TENM2: variants seen among roughly 807,000 people sequenced by gnomAD.
The protein encoded by TENM2 is teneurin-2.
Under a neutral mutation model 245.2 loss-of-function variants are expected in TENM2, and 52 were observed. The ratio of observed to expected loss-of-function variants is 0.21; its 90% CI spans 0.17 to 0.27. TENM2 has a LOEUF of 0.27. Ranked by LOEUF, TENM2 falls within the 10% of genes least tolerant of loss-of-function variation. The pLI is 1.00. For synonymous variants in TENM2, 1,363 were observed against 1,438.9 expected, an observed-to-expected ratio of 0.95 and a Z score of 1.19; for missense variants, 3,046 against 3,666.8, an observed-to-expected ratio of 0.83 and a Z score of 4.37.
intron 12 of TENM2, among the ~76,000 whole-genome samples, chr5:168,154,466 C>T (rs962056679): frequency 6.6e-6 from 1 of 152,168 alleles, no homozygotes; most frequent in Non-Finnish European, 1.5e-5. Flanking sequence ...CCCAGGTGAT[C>T]CACCCGCCTC....
rs1554142458 is a variant in TENM2, at chr5:167,384,703, C to CGT, written c.502+9231_502+9232insTG. On this transcript the variant is annotated intron_variant, in intron 2 of 28. Coordinates refer to ENST00000518659, the Ensembl canonical transcript of TENM2. ...CAGATACAGCGCGTGCACACGCGTG[C>CGT]GCGCACACACGCACACACACACACA... is the stretch of plus-strand genomic sequence containing the variant. Among the ~76,000 whole-genome samples, 7 of 58,782 alleles carry CGT rather than the reference C, an allele frequency of 1.2e-4. No homozygotes were observed. The South Asian group carries it at 2.3e-3, about 20-fold the overall frequency. 38.6% of individuals were successfully genotyped at this position (58,782 alleles called of 152,430 possible).
chr5:167,222,159 G>A, the TENM2 span, among the ~76,000 whole-genome samples: 1 of 152,140 alleles, frequency 6.6e-6, no homozygotes, highest in Admixed American at 6.5e-5. Flanking sequence ...CTCAAAGCAC[G>A]TGCCTTAATT....
intron 2 of TENM2, among the ~76,000 whole-genome samples, chr5:167,749,118 G>T (rs975661899): frequency 4.6e-5 from 7 of 151,396 alleles, no homozygotes; most frequent in African/African-American, 1.5e-4. Context: ...CATATTTCTT[G>T]GAATAATTAT....
chr5:167,032,720 C>T, the TENM2 span, among the ~76,000 whole-genome samples: 2 of 152,162 alleles, frequency 1.3e-5, no homozygotes, highest in Admixed American at 1.3e-4. Flanking sequence ...CACCCCAAGG[C>T]AGCAAGTTCC....
intron 2 of TENM2, among the ~76,000 whole-genome samples, chr5:167,609,278 A>C (rs912173809): frequency 3.9e-5 from 6 of 152,082 alleles, no homozygotes; most frequent in South Asian, 2.1e-4. Flanking sequence ...GTAGAGTCGC[A>C]TTTCTTGCCT....
At chr5:167,929,314 G>T (rs1346483103) in intron 3 of TENM2, among the ~76,000 whole-genome samples, 2 of 152,108 alleles carry the variant, frequency 1.3e-5, no homozygotes, top group Non-Finnish European at 1.5e-5. Context: ...TGTTTAAAGA[G>T]CATTTGAGAA....
intron 2 of TENM2, among the ~76,000 whole-genome samples, chr5:167,623,788 T>C (rs2127775615): frequency 6.6e-6 from 1 of 152,320 alleles, no homozygotes; most frequent in South Asian, 2.1e-4. Context: ...TAAATTTTTT[T>C]CCCATTATAG....
chr5:167,234,788 G>C, the TENM2 span, among the ~76,000 whole-genome samples: 1 of 152,254 alleles, frequency 6.6e-6, no homozygotes, highest in East Asian at 1.9e-4. Context: ...ATATATGATG[G>C]AACAGAGAAT....
intron 2 of TENM2, among the ~76,000 whole-genome samples, chr5:167,549,952 GA>G (rs1458463623): frequency 6.6e-6 from 1 of 152,182 alleles, no homozygotes; most frequent in African/African-American, 2.4e-5. Context: ...GGAAGGTTGT[GA>G]AAGGCATAAC....
chr5:167,962,235 A>G (rs1340035003), intron 4 of TENM2, among the ~76,000 whole-genome samples: 1 of 152,128 alleles, frequency 6.6e-6, no homozygotes, highest in Admixed American at 6.5e-5. Flanking sequence ...GAAGAAGCAC[A>G]TTAAAGAAAA....
chr5:168,248,165 T>C lies in TENM2; in HGVS notation c.7226T>C (p.Ile2409Thr), dbSNP rs768299062. The change falls in exon 27 of 29, where the codon ATT becomes ACT. Residue 2409 changes from isoleucine to threonine, a missense_variant. By Grantham distance (89) the Ile-to-Thr change is moderately conservative (BLOSUM62 -1). Transcript: ENST00000518659. ...TCCAACCCCGACTTCCAGATGGTCA[T>C]TGGCTTCCATGGGGGACTCTATGAC... 11 of 1,613,876 alleles carry C rather than the reference T, an allele frequency of 6.8e-6. No individual in the cohort carries two copies. The highest frequency in any genetic ancestry group is 1.6e-4 in the Middle Eastern group (1 of 6,084).
the TENM2 span, among the ~76,000 whole-genome samples, chr5:167,234,229 C>G: frequency 5.9e-5 from 9 of 152,172 alleles, no homozygotes; most frequent in Non-Finnish European, 1.0e-4. Context: ...CTAAGGGAAA[C>G]AAATCAATTT....
At chr5:167,547,590 C>A (rs12656490) in intron 2 of TENM2, among the ~76,000 whole-genome samples, 12,841 of 152,126 alleles carry the variant, frequency 0.084, 694 homozygotes, top group East Asian at 0.2. Context: ...ATGTGGAATC[C>A]TATAATAGAC....
chr5:168,215,267 C>A, exon 21 of TENM2: 1 of 1,613,314 alleles, frequency 6.2e-7, no homozygotes. Context: ...CTGATGAGCC[C>A]GAGAGGTAAA....
At chr5:167,157,403 T>G in the TENM2 span, among the ~76,000 whole-genome samples, 1 of 152,226 alleles carries the variant, frequency 6.6e-6, no homozygotes, top group South Asian at 2.1e-4. Context: ...GTAGCTTACA[T>G]AAATTTGACA....
At chr5:168,073,691 G>T (rs1001527101) in intron 7 of TENM2, among the ~76,000 whole-genome samples, 6 of 152,140 alleles carry the variant, frequency 3.9e-5, no homozygotes, top group African/African-American at 9.7e-5. Flanking sequence ...CTTCTAACTG[G>T]GAATGCACAC....
chr5:167,482,493 GA>G (rs1767816804), intron 2 of TENM2, among the ~76,000 whole-genome samples: 1 of 151,998 alleles, frequency 6.6e-6, no homozygotes, highest in East Asian at 1.9e-4. Flanking sequence ...CCAACCTTCA[GA>G]TTTTTTTACA....
At chr5:167,622,625 G>A (rs1778249618) in intron 2 of TENM2, among the ~76,000 whole-genome samples, 1 of 152,082 alleles carries the variant, frequency 6.6e-6, no homozygotes, top group African/African-American at 2.4e-5. Flanking sequence ...AGGTTCAGGG[G>A]TGAGTATTAT....
At chr5:167,199,367 C>T in the TENM2 span, among the ~76,000 whole-genome samples, 1 of 152,074 alleles carries the variant, frequency 6.6e-6, no homozygotes, top group Non-Finnish European at 1.5e-5. Flanking sequence ...CTGGCATTCT[C>T]ATCTTTTTCC....
Sources: gnomAD v4.1 joint callset for allele counts (sites outside exome capture counted in the v4.1 genomes callset) on GRCh38, gnomAD v4.1.1 for gene constraint, MANE v1.5 for transcripts, NCBI Gene and HGNC (gene_info 2026-07-23, HGNC 2026-07-21) for gene names.